PCDHGB4: variants seen among roughly 807,000 people sequenced by gnomAD.
PCDHGB4 encodes the protein protocadherin gamma-B4.
PCDHGB4 carries 38 observed loss-of-function variants against 60.5 expected under a neutral mutation model. That is an observed-to-expected ratio of 0.63 (90% CI 0.48 to 0.82). PCDHGB4 has a LOEUF of 0.82. PCDHGB4 is among the 40% of genes least tolerant of loss of function. PCDHGB4 has a pLI of 0.00. For missense variants in PCDHGB4, 1,109 were observed against 1,209.6 expected (o/e 0.92, Z 1.23); for synonymous variants, 456 against 509.7 (o/e 0.89, Z 1.42).
At chr5:141,411,059 C>T (rs1384816111) in intron 1 of PCDHGB4, 1 of 156,328 alleles carries the variant, frequency 6.4e-6, no homozygotes, top group African/African-American at 2.4e-5. Context: ...ACTATGTCGA[C>T]CAGGCTGTTC....
At position 141,491,687 on chromosome 5, in the gene PCDHGB4, G is replaced by T. The variant is rs946829558; in HGVS notation, c.2398-3120G>T. 6.2e-7 allele frequency: 1 copy of T among 1,613,072 alleles called. No individual in the cohort carries two copies. Among genetic ancestry groups the T allele is most frequent in the African/African-American group, 1.3e-5 (1 of 75,046 alleles). On this transcript the variant is annotated intron_variant, in intron 1 of 3. Transcript: ENST00000519479. This position sits in a 1 kb window ranked among gnomAD's most constrained non-coding sequence, Gnocchi z 6.9. ...ATCCGGTCCCGCTCTAATACGCTGC[G>T]GGAGCGGAGCCAGGTGAGGGGCTCG...
chr5:141,430,924 G>A (rs1217400258), intron 1 of PCDHGB4: 1 of 1,607,462 alleles, frequency 6.2e-7, no homozygotes, highest in Admixed American at 1.7e-5. Context: ...TGGGGCTGGA[G>A]CCCCGGGAGC....
chr5:141,458,695 G>T (rs551105765), intron 1 of PCDHGB4, among the ~76,000 whole-genome samples: 2 of 151,734 alleles, frequency 1.3e-5, no homozygotes, highest in Non-Finnish European at 2.9e-5. Context: ...TCAGCCTCCC[G>T]AGTAGCTGGG....
chr5:141,489,178 C>T lies in PCDHGB4; in HGVS notation c.2398-5629C>T, dbSNP rs909255357. ...GAGACTTCAGCTGCTGCATTCCAAG[C>T]CCTGGGTCTACCTTGGAGACAGGAC... On this transcript the variant is annotated intron_variant, in intron 1 of 3. Transcript: ENST00000519479. This position sits in a 1 kb window ranked among gnomAD's most constrained non-coding sequence, Gnocchi z 4.5. 54 of 1,234,872 alleles carry T rather than the reference C, an allele frequency of 4.4e-5. 1 individual carries two copies. In the East Asian group the frequency reaches 1.2e-3, roughly 29 times the overall value. 76.5% of individuals were successfully genotyped at this position (1,234,872 alleles called of 1,614,324 possible). A position where few individuals can be genotyped will look rare whatever the true frequency, so the allele number is the denominator to read the frequency against.
rs1349189547 is a variant in PCDHGB4 at position 141,432,777 on chromosome 5, C to A, written c.2397+42496C>A. 1.2e-6 allele frequency: 2 copies of A among 1,614,154 alleles called. No individual in the cohort carries two copies. The highest frequency in any genetic ancestry group is 1.3e-5 in the African/African-American group (1 of 75,062). ...GCCGACAGCATCCCCCAAGTCCTGGCGGACCTCGGCAGCCTCGAGTCTCCA... is the reference window on the plus strand; with the variant it reads ...GCCGACAGCATCCCCCAAGTCCTGGAGGACCTCGGCAGCCTCGAGTCTCCA... On this transcript the variant is annotated intron_variant, in intron 1 of 3. Transcript: ENST00000519479. This position sits in a 1 kb window ranked among gnomAD's most constrained non-coding sequence, Gnocchi z 6.0.
intron 1 of PCDHGB4, among the ~76,000 whole-genome samples, chr5:141,460,183 CCA>C (rs561755067): frequency 7.2e-5 from 11 of 151,782 alleles, no homozygotes; most frequent in Non-Finnish European, 1.0e-4. Context: ...ATATTTTATC[CCA>C]GACTATGACT....
intron 1 of PCDHGB4, among the ~76,000 whole-genome samples, chr5:141,467,008 A>AT (rs1165146249): frequency 6.7e-6 from 1 of 150,270 alleles, no homozygotes; most frequent in Non-Finnish European, 1.5e-5. Context: ...TTGCAATGCA[A>AT]TTTTTTTCCC....
intron 1 of PCDHGB4, among the ~76,000 whole-genome samples, chr5:141,469,289 A>G (rs2154570270): frequency 6.6e-6 from 1 of 151,932 alleles, no homozygotes; most frequent in South Asian, 2.1e-4. Flanking sequence ...AAAATAAAAC[A>G]AAATAGACTG....
At chr5:141,495,071 C>A (rs1391869079) in intron 2 of PCDHGB4, among the ~76,000 whole-genome samples, 1 of 152,160 alleles carries the variant, frequency 6.6e-6, no homozygotes, top group Non-Finnish European at 1.5e-5. Flanking sequence ...AAGCTCAATT[C>A]ACATGCTTGC....
rs1246198657 is a variant in PCDHGB4 at position 141,505,401 on chromosome 5, A to T, written c.2465A>T (p.Asn822Ile). The change falls in exon 3 of 4, where the codon AAT (asparagine) becomes ATT (isoleucine). Residue 822 changes from asparagine (N) to isoleucine (I), a missense_variant. By Grantham distance (149) the Asn-to-Ile change is moderately radical (BLOSUM62 -3). Around this residue, in one of 2 missense-constraint regions of PCDHGB4, gnomAD observed 1,068 missense variants for 1,089.9 expected, o/e 0.98. Transcript: ENST00000519479. Reference protein sequence around the residue: ...AQRPGTSGSQNGDDTGTWPNN... With the variant: ...AQRPGTSGSQIGDDTGTWPNN... ...TCCTACTCTCTCCCCAGCTCCCAAA[A>T]TGGCGATGACACCGGCACCTGGCCC... is the stretch of plus-strand genomic sequence containing the variant. The T allele has an allele frequency of 6.2e-7, 1 of 1,614,058 alleles. No individual in the cohort carries two copies. Among genetic ancestry groups the T allele is most frequent in the African/African-American group, 1.3e-5 (1 of 74,922 alleles).
chr5:141,492,503 A>G (rs1341352458), intron 1 of PCDHGB4, among the ~76,000 whole-genome samples: 1 of 151,188 alleles, frequency 6.6e-6, no homozygotes, highest in Non-Finnish European at 1.5e-5. Context: ...AGGACTCCGG[A>G]GCCTCCTCTC....
In PCDHGB4 at chr5:141,489,327, G is replaced by A; in HGVS notation, c.2398-5480G>A. The A allele has an allele frequency of 6.2e-7, 1 of 1,603,940 alleles. No individual in the cohort carries two copies. Among genetic ancestry groups the A allele is most frequent in the South Asian group, 1.1e-5 (1 of 89,400 alleles). ...TGTGCTGCTGGGGCTGGGTGTCTGG[G>A]CAGCTTCGTTACTCAGTGGTGGAGG... is the stretch of plus-strand genomic sequence containing the variant. On this transcript the variant is annotated intron_variant, in intron 1 of 3. Transcript: ENST00000519479. This position sits in a 1 kb window ranked among gnomAD's most constrained non-coding sequence, Gnocchi z 4.5.
chr5:141,400,863 T>G (rs370697957), intron 1 of PCDHGB4, among the ~76,000 whole-genome samples: 1 of 152,250 alleles, frequency 6.6e-6, no homozygotes. Context: ...TGTATGTAGA[T>G]AAACCATTAA....
intron 1 of PCDHGB4, among the ~76,000 whole-genome samples, chr5:141,482,760 C>CAGCTGTG (rs1363796107): frequency 2.1e-5 from 3 of 141,084 alleles, no homozygotes; most frequent in African/African-American, 5.7e-5. Flanking sequence ...TATGGTATTT[C>CAGCTGTG]ATTATCACTG....
rs1303066281 is a variant in PCDHGB4, at chr5:141,511,199, G to A, written c.*26G>A. The A allele has an allele frequency of 1.2e-6, 2 of 1,612,750 alleles. No homozygotes were observed. The highest frequency in any genetic ancestry group is 1.3e-5 in the African/African-American group (1 of 74,896). On this transcript the variant is annotated 3_prime_UTR_variant, in exon 4 of 4. Transcript: ENST00000519479. The stretch of plus-strand genomic sequence containing the variant: ...CATGGAGGCCAGGCCAAGAGCCACA[G>A]GGCGGCCTCTCCCCAACCAGCCCAG...
intron 1 of PCDHGB4, among the ~76,000 whole-genome samples, chr5:141,445,180 GT>G (rs745433969): frequency 6.6e-6 from 1 of 152,148 alleles, no homozygotes; most frequent in Non-Finnish European, 1.5e-5. Flanking sequence ...GAAAAACTAT[GT>G]TTTTATGTAT....
Position 141,433,362 on chromosome 5 carries a change from T to G in PCDHGB4, c.2397+43081T>G, listed in dbSNP as rs1285511534. ...GTGCAAGCCACCTACTGTCTGCCTA[T>G]CTATCTATCTATCTATCTATCTATC... On this transcript the variant is annotated intron_variant, in intron 1 of 3. Transcript: ENST00000519479. 4 of 299,814 alleles carry G rather than the reference T, an allele frequency of 1.3e-5. No individual in the cohort carries two copies. In the East Asian group the frequency reaches 1.8e-4, roughly 14 times the overall value. 18.6% of individuals were successfully genotyped at this position (299,814 alleles called of 1,614,324 possible). A position where few individuals can be genotyped will look rare whatever the true frequency, so the allele number is the denominator to read the frequency against.
chr5:141,423,759 G>C, intron 1 of PCDHGB4: 1 of 321,042 alleles, frequency 3.1e-6, no homozygotes, highest in Non-Finnish European at 4.5e-6. Flanking sequence ...TTGGGGGGGG[G>C]GTGGGGCGGC....
chr5:141,398,660 T>C, intron 1 of PCDHGB4: 2 of 1,614,038 alleles, frequency 1.2e-6, no homozygotes, highest in Non-Finnish European at 1.7e-6. Context: ...AACCCAAGTT[T>C]CTCATTAATA....
Sources: allele counts gnomAD v4.1 joint callset (sites outside exome capture counted in the v4.1 genomes callset), GRCh38; gene constraint gnomAD v4.1.1; regional missense constraint gnomAD v4.1.1; non-coding constraint Gnocchi (gnomAD v3.1); transcripts MANE v1.5; gene names NCBI Gene and HGNC (gene_info 2026-07-23, HGNC 2026-07-21).